The following RTBDN variants were observed in gnomAD, a reference collection of about 807,000 sequenced individuals.
The protein encoded by RTBDN is retbindin.
Under a neutral mutation model 21.9 loss-of-function variants are expected in RTBDN, and 24 were observed. That is an observed-to-expected ratio of 1.10 (90% CI 0.79 to 1.54). The LOEUF is 1.54. Ranked by LOEUF, RTBDN falls within the 40% of genes most tolerant of loss-of-function variation. The pLI is 0.00. For synonymous variants in RTBDN, 141 were observed against 125.9 expected (o/e 1.12, Z -0.80); for missense variants, 325 against 315.2 (o/e 1.03, Z -0.23).
chr19:12,826,724 T>TAAC, intron 5 of RTBDN, 51 bp downstream of exon 5: 2 of 1,118,362 alleles, frequency 1.8e-6, no homozygotes, highest in Non-Finnish European at 2.6e-6. Context: ...AATAAATAAC[T>TAAC]TGGTGGGGAG....
At chr19:12,826,639 A>T in intron 5 of RTBDN, 136 bp downstream of exon 5, 2 of 742,376 alleles carry the variant, frequency 2.7e-6, no homozygotes, top group Non-Finnish European at 4.4e-6. Context: ...GGTTGCATCG[A>T]GCTGAGATCG....
chr19:12,826,840 C>G lies in RTBDN; in HGVS notation c.397G>C (p.Gly133Arg), dbSNP rs766372488. The G allele has an allele frequency of 1.9e-6, 3 of 1,553,672 alleles. No individual in the cohort carries two copies. Among genetic ancestry groups the G allele is most frequent in the Non-Finnish European group, 2.6e-6 (3 of 1,148,978 alleles). The change falls in exon 5 of 6, where the codon GGC becomes CGC. Residue 133 changes from glycine to arginine, a missense_variant. Gly to Arg is a moderately radical substitution (Grantham distance 125). Transcript: ENST00000674343. ...TCTGAGAGTGGGAGCCAAGTCGGGCCGCAGGTGATATCATCTTCGCAGTTG... is the reference window on the plus strand; with the variant it reads ...TCTGAGAGTGGGAGCCAAGTCGGGCGGCAGGTGATATCATCTTCGCAGTTG... ...FANCEDDITCGPTWLPLSEKR... is the reference protein window; with the variant it reads ...FANCEDDITCRPTWLPLSEKR...
Position 12,830,582 on chromosome 19 carries a change from C to T in RTBDN, c.-18-585G>A. The T allele has an allele frequency of 2.0e-6, 2 of 985,556 alleles. No individual in the cohort carries two copies. Among genetic ancestry groups the T allele is most frequent in the Non-Finnish European group, 2.4e-6 (2 of 830,020 alleles). 61.1% of individuals were successfully genotyped at this position (985,556 alleles called of 1,614,324 possible). A position where few individuals can be genotyped will look rare whatever the true frequency, so the allele number is the denominator to read the frequency against. The stretch of plus-strand genomic sequence containing the variant: ...CGGTCTGTGGAGACAAGACTGTCCC[C>T]TTCCCGCCTCCCCGCATTCAGCCCC... On this transcript the variant is annotated intron_variant, in intron 1 of 5. Transcript: ENST00000674343. This position sits in a 1 kb window ranked among gnomAD's most constrained non-coding sequence, Gnocchi z 4.2.
chr19:12,830,674 G>A lies in RTBDN; in HGVS notation c.-18-677C>T, dbSNP rs545207649. The A allele has an allele frequency of 4.1e-6, 4 of 985,548 alleles. No individual in the cohort carries two copies. Among genetic ancestry groups the A allele is most frequent in the South Asian group, 4.7e-5 (1 of 21,290 alleles). 61.1% of individuals were successfully genotyped at this position (985,548 alleles called of 1,614,324 possible). ...CCTCAGGATCCAGTCCAGGAAACTG[G>A]CTGCTGAAAGGGGCGTGGCTTAATG... On this transcript the variant is annotated intron_variant, in intron 1 of 5. Coordinates refer to ENST00000674343, the MANE Select transcript of RTBDN (RefSeq NM_001270441.2). The surrounding 1 kb of genome is among the most constrained non-coding windows in gnomAD (Gnocchi z 4.2).
chr19:12,828,726 C>A lies in RTBDN; in HGVS notation c.296G>T (p.Ser99Ile). Residue 99 changes from serine (S) to isoleucine (I), a missense_variant, in exon 4 of 6, where the codon AGT becomes ATT. Physicochemically the swap from Ser to Ile is moderately radical, Grantham distance 142 (BLOSUM62 -2). Transcript: ENST00000674343. ...CCCCAATAGCCGCAGGCGGAAGCGA[C>A]TGCGAAGGGCACGTTGGAGGTGTTC... ...FLEHLQRALR[S>I]RFRLRLLGVR... The A allele has an allele frequency of 1.2e-6, 2 of 1,614,242 alleles. No homozygotes were observed. The highest frequency in any genetic ancestry group is 1.7e-6 in the Non-Finnish European group (2 of 1,180,044).
chr19:12,829,132 G>C (rs1231366448), intron 2 of RTBDN, 179 bp from the exon 3 acceptor site: 1 of 1,017,324 alleles, frequency 9.8e-7, no homozygotes, highest in Non-Finnish European at 1.4e-6. Flanking sequence ...ATCATTTCTT[G>C]TTTATAATAA....
intron 4 of RTBDN, among the ~76,000 whole-genome samples, chr19:12,827,318 T>G (rs1180359571): frequency 7.5e-6 from 1 of 134,048 alleles, no homozygotes; most frequent in African/African-American, 2.9e-5. Context: ...CATGTCCGAT[T>G]AATTTTTTTT....
In RTBDN at chr19:12,826,769, G is replaced by A. The variant is rs768807206; in HGVS notation, c.462+6C>T. 13 of 1,531,198 alleles carry A rather than the reference G, an allele frequency of 8.5e-6. No homozygotes were observed. The highest frequency in any genetic ancestry group is 2.8e-5 in the African/African-American group (2 of 72,554). 94.9% of individuals were successfully genotyped at this position (1,531,198 alleles called of 1,614,324 possible). A position where few individuals can be genotyped will look rare whatever the true frequency, so the allele number is the denominator to read the frequency against. On this transcript the variant is annotated splice_donor_region_variant and intron_variant, in intron 5 of 5. Coordinates refer to ENST00000674343, the MANE Select transcript of RTBDN (RefSeq NM_001270441.2). The stretch of plus-strand genomic sequence containing the variant: ...CTCTTCCCTTCACCTTCTGCCCCAC[G>A]CTCACCTGTCCATAGGTAAGGCAGC...
At chr19:12,826,655 C>T (rs1038419571) in intron 5 of RTBDN, 120 bp downstream of exon 5, 19 of 809,648 alleles carry the variant, frequency 2.3e-5, no homozygotes, top group Middle Eastern at 3.6e-4. Flanking sequence ...GATCGCGCCA[C>T]TGCACTCCAG....
rs891615413 is a variant in RTBDN, at chr19:12,825,742, G to T, written c.654C>A (p.Gly218=). The change falls in exon 6 of 6, where the codon GGC becomes GGA. Residue 218 remains glycine, a synonymous_variant. Coordinates refer to ENST00000674343, the MANE Select transcript of RTBDN (RefSeq NM_001270441.2). Reference sequence around the variant, plus strand: ...TGCCGCTTCCACTGCCACTCCCGCTGCCCGCAGCGTCCAGGATGGAGGTGC... The same window carrying T: ...TGCCGCTTCCACTGCCACTCCCGCTTCCCGCAGCGTCCAGGATGGAGGTGC... ...SPRTSILDAA[G]SGSGSGSGSG... The T allele has an allele frequency of 2.5e-6, 4 of 1,599,192 alleles. No individual in the cohort carries two copies. The highest frequency in any genetic ancestry group is 1.3e-5 in the African/African-American group (1 of 74,608).
chr19:12,829,132 G>A (rs1231366448), intron 2 of RTBDN, 179 bp from the exon 3 acceptor site: 1 of 1,017,426 alleles, frequency 9.8e-7, no homozygotes, highest in South Asian at 1.8e-5. Flanking sequence ...ATCATTTCTT[G>A]TTTATAATAA....
At chr19:12,826,536 A>C (rs1969306352) in intron 5 of RTBDN, 1 of 770,496 alleles carries the variant, frequency 1.3e-6, no homozygotes, top group Admixed American at 3.2e-5. Flanking sequence ...TCTACTAAAA[A>C]TACAAAAATT....
intron 2 of RTBDN, 44 bp downstream of exon 2, chr19:12,829,767 G>A: frequency 6.4e-7 from 1 of 1,571,460 alleles, no homozygotes; most frequent in Non-Finnish European, 8.7e-7. Context: ...GGGTAGGTGT[G>A]GGTTTCTGGG....
Position 12,834,249 on chromosome 19 carries a change from G to A in RTBDN, c.-19+240C>T, listed in dbSNP as rs1439723672. Among the ~76,000 whole-genome samples the A allele has an allele frequency of 6.6e-6, 1 of 152,064 alleles. No homozygotes were observed. Among genetic ancestry groups the A allele is most frequent in the African/African-American group, 2.4e-5 (1 of 41,426 alleles). On this transcript the variant is annotated intron_variant, in intron 1 of 5. Coordinates refer to ENST00000674343, the MANE Select transcript of RTBDN (RefSeq NM_001270441.2). The surrounding 1 kb of genome is among the most constrained non-coding windows in gnomAD (Gnocchi z 4.7). ...GTGCAGCCTAGCGCTCCCCCTCGAG[G>A]ATCGCCTGAGGGGCGCCTGGCCCGC...
chr19:12,828,573 A>T, intron 4 of RTBDN, 84 bp downstream of exon 4: 1 of 1,051,590 alleles, frequency 9.5e-7, no homozygotes, highest in Non-Finnish European at 1.4e-6. Flanking sequence ...ACTCCCCTTT[A>T]CACAGAAGGC....
chr19:12,830,820 G>T lies in RTBDN; in HGVS notation c.-18-823C>A. On this transcript the variant is annotated intron_variant, in intron 1 of 5. Transcript: ENST00000674343. The surrounding 1 kb of genome is among the most constrained non-coding windows in gnomAD (Gnocchi z 4.2). ...ATGTTCAGCTTGTGGCTTAAGCTCTGTATCTATATATGTGGGGAGTGTGTG... is the reference window on the plus strand; with the variant it reads ...ATGTTCAGCTTGTGGCTTAAGCTCTTTATCTATATATGTGGGGAGTGTGTG... The T allele has an allele frequency of 4.1e-6, 1 of 242,300 alleles. No homozygotes were observed. The highest frequency in any genetic ancestry group is 6.6e-6 in the Non-Finnish European group (1 of 151,888). The allele number at this position is 242,300 out of a possible 1,614,324, so 15.0% of individuals were successfully genotyped here. A position where few individuals can be genotyped will look rare whatever the true frequency, so the allele number is the denominator to read the frequency against.
At position 12,832,229 on chromosome 19, in the gene RTBDN, GC is replaced by G. The variant is rs1336341450; in HGVS notation, c.-18-2233del. Among the ~76,000 whole-genome samples, 6 of 152,204 alleles carry G rather than the reference GC, an allele frequency of 3.9e-5. No individual in the cohort carries two copies. The South Asian group carries it at 6.2e-4, about 16-fold the overall frequency. On this transcript the variant is annotated intron_variant, in intron 1 of 5. Transcript: ENST00000674343. ...GTGTTCGTGTGCCTCTCATCTCAGG[GC>G]AAGAGAGGCTTTTGTCTCTCTTTTA...
chr19:12,834,930 C>T, upstream of RTBDN: 4 of 1,565,612 alleles, frequency 2.6e-6, no homozygotes, highest in Non-Finnish European at 3.5e-6. The surrounding 1 kb of genome is among the most constrained non-coding windows in gnomAD (Gnocchi z 4.7). Context: ...ATATCTGTGC[C>T]CCAAGGCCCT....
At position 12,825,632 on chromosome 19, in the gene RTBDN, G is replaced by A; in HGVS notation, c.*74C>T. 6.7e-7 allele frequency: 1 copy of A among 1,500,348 alleles called. No homozygotes were observed. The highest frequency in any genetic ancestry group is 8.9e-7 in the Non-Finnish European group (1 of 1,123,292). The allele number at this position is 1,500,348 out of a possible 1,614,324, so 92.9% of individuals were successfully genotyped here. On this transcript the variant is annotated 3_prime_UTR_variant, in exon 6 of 6. Coordinates refer to ENST00000674343, the MANE Select transcript of RTBDN (RefSeq NM_001270441.2). ...TATTACAGAAGGCCGAGAGGACGAG[G>A]GGTGGGGTTCTGGGTGTCCTGAGGG...
Sources: allele counts gnomAD v4.1 joint callset (sites outside exome capture counted in the v4.1 genomes callset), GRCh38; gene constraint gnomAD v4.1.1; non-coding constraint Gnocchi (gnomAD v3.1); transcripts MANE v1.5; gene names NCBI Gene and HGNC (gene_info 2026-07-23, HGNC 2026-07-21).